CDC5L: variants seen among roughly 807,000 people sequenced by gnomAD.
CDC5L encodes the protein cell division cycle 5 like.
CDC5L carries 18 observed loss-of-function variants against 104.1 expected under a neutral mutation model. The ratio of observed to expected loss-of-function variants is 0.17; its 90% CI spans 0.12 to 0.26. The LOEUF is 0.26. CDC5L is among the 10% of genes least tolerant of loss of function. The pLI is 1.00. For synonymous variants in CDC5L, 331 were observed against 322.7 expected, an observed-to-expected ratio of 1.03 and a Z score of -0.28; for missense variants, 673 against 956.9, an observed-to-expected ratio of 0.70 and a Z score of 3.91.
intron 13 of CDC5L, 34 bp downstream of exon 13, chr6:44,426,758 T>G: frequency 6.2e-7 from 1 of 1,605,060 alleles, no homozygotes; most frequent in South Asian, 1.1e-5. Flanking sequence ...TTCTTGAGAT[T>G]TAGGTAGTTG....
intron 8 of CDC5L, among the ~76,000 whole-genome samples, chr6:44,416,108 T>C (rs562778136): frequency 8.8e-4 from 134 of 152,292 alleles, no homozygotes; most frequent in Non-Finnish European, 1.1e-3. Flanking sequence ...CCTCCTCTGA[T>C]GTAGTCTAGG....
chr6:44,421,942 A>G (rs1237795221), intron 9 of CDC5L, among the ~76,000 whole-genome samples: 1 of 152,158 alleles, frequency 6.6e-6, no homozygotes, highest in African/African-American at 2.4e-5. Flanking sequence ...ACCATGTCTT[A>G]TGTGATAACA....
At chr6:44,430,110 T>G (rs1158665470) in intron 14 of CDC5L, among the ~76,000 whole-genome samples, 200 bp downstream of exon 14, 2 of 151,936 alleles carry the variant, frequency 1.3e-5, no homozygotes, top group African/African-American at 4.8e-5. Flanking sequence ...TTTTGTTTTT[T>G]TTTTAAAGAA....
At chr6:44,419,367 A>G (rs1792056730) in intron 8 of CDC5L, 82 bp from the exon 9 acceptor site, 10 of 1,299,754 alleles carry the variant, frequency 7.7e-6, no homozygotes, top group South Asian at 2.7e-5. Context: ...GCCTGCTTCA[A>G]GATTGGTATA....
intron 7 of CDC5L, among the ~76,000 whole-genome samples, chr6:44,407,296 A>G (rs916143276): frequency 1.3e-5 from 2 of 151,330 alleles, no homozygotes; most frequent in Non-Finnish European, 2.9e-5. Flanking sequence ...TTGACTTACT[A>G]TAGTTGGTCA....
At chr6:44,419,183 T>A (rs1792047541) in intron 8 of CDC5L, among the ~76,000 whole-genome samples, 1 of 152,160 alleles carries the variant, frequency 6.6e-6, no homozygotes, top group Admixed American at 6.5e-5. Context: ...GTATAAGGTG[T>A]AAGGAAGGGA....
intron 14 of CDC5L, among the ~76,000 whole-genome samples, chr6:44,433,683 T>G (rs939224063): frequency 5.9e-5 from 9 of 152,118 alleles, no homozygotes; most frequent in Admixed American, 1.3e-4. Context: ...TTATATAACA[T>G]AGACTTCTTA....
intron 8 of CDC5L, among the ~76,000 whole-genome samples, chr6:44,418,544 T>C (rs1277356965): frequency 7.2e-5 from 11 of 152,234 alleles, no homozygotes; most frequent in South Asian, 4.1e-4. Flanking sequence ...ATGGTATTTC[T>C]AGTTCTAGAT....
At chr6:44,408,771 C>T (rs1791493887) in intron 8 of CDC5L, 139 bp downstream of exon 8, 5 of 486,234 alleles carry the variant, frequency 1.0e-5, no homozygotes, top group African/African-American at 9.9e-5. Flanking sequence ...ATAGATCTTG[C>T]AATATTTCTG....
intron 14 of CDC5L, among the ~76,000 whole-genome samples, chr6:44,444,467 A>G (rs1793355134): frequency 6.6e-6 from 1 of 152,128 alleles, no homozygotes; most frequent in Non-Finnish European, 1.5e-5. Flanking sequence ...TGGAATTATC[A>G]GTGGGATGTG....
intron 8 of CDC5L, among the ~76,000 whole-genome samples, chr6:44,411,719 G>A (rs531696526): frequency 1.3e-5 from 2 of 151,170 alleles, no homozygotes; most frequent in African/African-American, 4.9e-5. Flanking sequence ...ATATTGTTTC[G>A]TGAAAGTTTA....
intron 1 of CDC5L, 92 bp downstream of exon 1, chr6:44,387,960 C>G (rs1421362269): frequency 3.2e-6 from 4 of 1,265,964 alleles, no homozygotes; most frequent in Non-Finnish European, 3.3e-6. Context: ...ACGAGGAGAC[C>G]CTGTGGGGTC....
intron 4 of CDC5L, among the ~76,000 whole-genome samples, chr6:44,394,278 G>A (rs939016153): frequency 2.6e-5 from 4 of 152,122 alleles, no homozygotes; most frequent in Non-Finnish European, 4.4e-5. Flanking sequence ...AAACTGAGTA[G>A]TGTAATTCTA....
intron 15 of CDC5L, 36 bp downstream of exon 15, chr6:44,445,903 T>G (rs371396988): frequency 2.0e-6 from 3 of 1,489,652 alleles, no homozygotes; most frequent in Admixed American, 1.7e-5. Context: ...TTAAAAAGAG[T>G]GCTGCAAAGA....
At chr6:44,445,305 G>A (rs1218633543) in intron 14 of CDC5L, among the ~76,000 whole-genome samples, 5 of 152,254 alleles carry the variant, frequency 3.3e-5, no homozygotes, top group East Asian at 1.9e-4. Flanking sequence ...GATGAAGGTG[G>A]CTTGCAGCTA....
intron 8 of CDC5L, among the ~76,000 whole-genome samples, chr6:44,417,149 T>G (rs1183660717): frequency 2.0e-5 from 3 of 152,096 alleles, no homozygotes; most frequent in African/African-American, 7.2e-5. Flanking sequence ...AGGGCCTTAG[T>G]AAGGAGGACT....
At position 44,409,483 on chromosome 6, in the gene CDC5L, A is replaced by C. The variant is rs542457875; in HGVS notation, c.1092+851A>C. ...TTGCTAAACCATGAATTACCTTATA[A>C]TTTGTGTAAGTTATACAAATATGTA... On this transcript the variant is annotated intron_variant, in intron 8 of 15. Coordinates refer to ENST00000371477, the MANE Select transcript of CDC5L (RefSeq NM_001253.4). Among the ~76,000 whole-genome samples, 7 of 152,320 alleles carry C rather than the reference A, an allele frequency of 4.6e-5. 1 individual carries two copies. In the South Asian group the frequency reaches 1.4e-3, roughly 32 times the overall value.
At chr6:44,433,367 T>C (rs1792776487) in intron 14 of CDC5L, among the ~76,000 whole-genome samples, 1 of 152,200 alleles carries the variant, frequency 6.6e-6, no homozygotes, top group South Asian at 2.1e-4. Context: ...GAATTTTAAG[T>C]GTTCTAATTT....
intron 14 of CDC5L, among the ~76,000 whole-genome samples, chr6:44,443,341 A>C (rs932590303): frequency 6.7e-6 from 1 of 149,876 alleles, no homozygotes; most frequent in Non-Finnish European, 1.5e-5. Flanking sequence ...GTCTCTTTGA[A>C]TTTATCTTAT....
Sources: allele counts gnomAD v4.1 joint callset (sites outside exome capture counted in the v4.1 genomes callset), GRCh38; gene constraint gnomAD v4.1.1; transcripts MANE v1.5; gene names NCBI Gene and HGNC (gene_info 2026-07-23, HGNC 2026-07-21).